MPPED1: variants seen among roughly 807,000 people sequenced by gnomAD.
MPPED1 encodes metallophosphoesterase domain-containing protein 1.
In MPPED1, 16 loss-of-function variants were observed where a neutral mutation model predicts 36.2. The ratio of observed to expected loss-of-function variants is 0.44; its 90% CI spans 0.30 to 0.67. The LOEUF is 0.67. Ranked by LOEUF, MPPED1 falls within the 30% of genes least tolerant of loss-of-function variation. MPPED1 has a pLI of 0.10. For synonymous variants in MPPED1, 199 were observed against 191.3 expected (o/e 1.04, Z -0.33); for missense variants, 307 against 453.4 (o/e 0.68, Z 2.93).
chr22:43,457,591 T>G (rs1930798937), intron 3 of MPPED1, among the ~76,000 whole-genome samples: 1 of 152,190 alleles, frequency 6.6e-6, no homozygotes, highest in African/African-American at 2.4e-5. Flanking sequence ...TGTCCATCTT[T>G]TCTTCTATTA....
intron 2 of MPPED1, among the ~76,000 whole-genome samples, chr22:43,427,861 A>ACC (rs367622791): frequency 4.6e-5 from 7 of 150,548 alleles, no homozygotes; most frequent in African/African-American, 1.7e-4. Flanking sequence ...GCTGGTCCTC[A>ACC]CCCCCCGTGA....
At position 43,455,115 on chromosome 22, in the gene MPPED1, C is replaced by CTTTTTTTTCTT. The variant is rs1930707525; in HGVS notation, c.407-19613_407-19612insCTTTTTTTTTT. ...TTCTCTGCCTCTCTGCCTTCATGTCCTTTTTTTTTTTTGAGACGAAGTCTT... is the reference window on the plus strand; with the variant it reads ...TTCTCTGCCTCTCTGCCTTCATGTCCTTTTTTTTCTTTTTTTTTTTTTTGAGACGAAGTCTT... On this transcript the variant is annotated intron_variant, in intron 3 of 6. Coordinates refer to ENST00000443721, the MANE Select transcript of MPPED1 (RefSeq NM_001044370.2). Among the ~76,000 whole-genome samples, 4 of 122,782 alleles carry CTTTTTTTTCTT rather than the reference C, an allele frequency of 3.3e-5. No individual in the cohort carries two copies. In the South Asian group the frequency reaches 8.4e-4, roughly 26 times the overall value. 80.5% of individuals were successfully genotyped at this position (122,782 alleles called of 152,430 possible).
intron 3 of MPPED1, among the ~76,000 whole-genome samples, chr22:43,448,761 C>T (rs1008482161): frequency 3.9e-5 from 6 of 152,078 alleles, no homozygotes; most frequent in Non-Finnish European, 8.8e-5. Flanking sequence ...TGCCACCATG[C>T]TCAGCTAATT....
At chr22:43,447,883 A>ATATATATATATTTTTT (rs1321289636) in intron 3 of MPPED1, among the ~76,000 whole-genome samples, 3 of 67,738 alleles carry the variant, frequency 4.4e-5, no homozygotes, top group African/African-American at 1.3e-4. Flanking sequence ...ATATATATAT[A>ATATATATATATTTTTT]TTTTTTTTTT....
In MPPED1 at chr22:43,475,665, TGTG is replaced by T. The variant is rs538538892; in HGVS notation, c.632+708_632+710del. On this transcript the variant is annotated intron_variant, in intron 4 of 6. Transcript: ENST00000443721. ...GTCATGATGATGGTTGTGGTGGTGA[TGTG>T]GTGATGGTGATGTGGTGATGGTGAT... Among the ~76,000 whole-genome samples the T allele has an allele frequency of 1.7e-3, 90 of 53,908 alleles. 1 individual carries two copies. In the East Asian group the frequency reaches 0.046, roughly 28 times the overall value. 35.4% of individuals were successfully genotyped at this position (53,908 alleles called of 152,430 possible).
intron 5 of MPPED1, among the ~76,000 whole-genome samples, chr22:43,501,268 C>T (rs1008219068): frequency 1.3e-5 from 2 of 152,240 alleles, no homozygotes; most frequent in African/African-American, 4.8e-5. Context: ...TGAGGCTCAG[C>T]AGCAAAGGCA....
rs867252410 is a variant in MPPED1 at position 43,412,563 on chromosome 22, C to A, written c.-79+405C>A. The stretch of plus-strand genomic sequence containing the variant: ...GTGTGCGCTGCCAAGCCCCTGCTGG[C>A]ACTTGGGGGGGAAGAGATAGGGAAC... On this transcript the variant is annotated intron_variant, in intron 1 of 6. Transcript: ENST00000443721. Among the ~76,000 whole-genome samples the A allele has an allele frequency of 2.0e-4, 31 of 152,276 alleles. No homozygotes were observed. The Middle Eastern group carries it at 0.014, about 67-fold the overall frequency.
intron 5 of MPPED1, among the ~76,000 whole-genome samples, chr22:43,499,701 GTGATGA>G (rs755194663): frequency 4.0e-5 from 5 of 125,496 alleles, no homozygotes; most frequent in Non-Finnish European, 5.1e-5. Flanking sequence ...GGTGGTGGAG[GTGATGA>G]TGGTGGTGGT....
chr22:43,484,820 C>A (rs912647124), intron 4 of MPPED1, among the ~76,000 whole-genome samples: 1 of 152,088 alleles, frequency 6.6e-6, no homozygotes, highest in Non-Finnish European at 1.5e-5. Flanking sequence ...CCAGCTGGTA[C>A]GTGCCATGGA....
chr22:43,435,306 T>A, intron 3 of MPPED1, 91 bp downstream of exon 3: 1 of 1,410,306 alleles, frequency 7.1e-7, no homozygotes, highest in South Asian at 1.3e-5. Context: ...CTTTCCCTCC[T>A]GCGCTGCCCG....
chr22:43,503,609 G>A (rs750981770), intron 6 of MPPED1, among the ~76,000 whole-genome samples: 12 of 152,180 alleles, frequency 7.9e-5, no homozygotes, highest in Admixed American at 2.6e-4. Flanking sequence ...GCAGCTCATT[G>A]TCAAGGGGAA....
chr22:43,435,034 G>A lies in MPPED1; in HGVS notation c.225G>A (p.Met75Ile). ...QGRFQPPHVQMVDPVPHDAPK... is the reference protein window; with the variant it reads ...QGRFQPPHVQIVDPVPHDAPK... ...TCCGCAGTGTCATCTCTCCCTGCAG[G>A]GTGGACCCGGTGCCTCACGATGCCC... Residue 75 changes from methionine to isoleucine, a missense_variant and splice_region_variant, in exon 3 of 7, where the codon ATG becomes ATA. By Grantham distance (10) the Met-to-Ile change is conservative (BLOSUM62 1). Around this residue, in one of 3 missense-constraint regions of MPPED1, gnomAD observed 169 missense variants for 212.3 expected, o/e 0.80. Transcript: ENST00000443721. The A allele has an allele frequency of 6.2e-7, 1 of 1,613,404 alleles. No individual in the cohort carries two copies. Among genetic ancestry groups the A allele is most frequent in the Non-Finnish European group, 8.5e-7 (1 of 1,179,744 alleles).
At chr22:43,435,756 C>T (rs1879477119) in intron 3 of MPPED1, among the ~76,000 whole-genome samples, 1 of 152,192 alleles carries the variant, frequency 6.6e-6, no homozygotes, top group Non-Finnish European at 1.5e-5. Context: ...ACATCGGAGG[C>T]TGAGGCAGGA....
chr22:43,502,662 C>G lies in MPPED1; in HGVS notation c.767C>G (p.Pro256Arg). The change falls in exon 6 of 7, where the codon CCC becomes CGC. Residue 256 changes from proline to arginine, a missense_variant. Transcript: ENST00000443721. The surrounding 1 kb of genome is among the most constrained non-coding windows in gnomAD (Gnocchi z 5.5). ...GPPLGFLDWVPKKMQRVGCVE... is the reference protein window; with the variant it reads ...GPPLGFLDWVRKKMQRVGCVE... ...ATACCAGGCTTCCTGGACTGGGTCC[C>G]CAAGAAGATGCAGCGGGTGGGCTGT... The G allele has an allele frequency of 6.2e-7, 1 of 1,613,280 alleles. No homozygotes were observed. The highest frequency in any genetic ancestry group is 2.2e-5 in the East Asian group (1 of 44,878).
chr22:43,480,386 T>G (rs1168174091), intron 4 of MPPED1, among the ~76,000 whole-genome samples: 3 of 152,188 alleles, frequency 2.0e-5, no homozygotes, highest in Non-Finnish European at 4.4e-5. Context: ...TGCAGTGGGT[T>G]GATTCTCACG....
chr22:43,470,580 T>G (rs1240440984), intron 3 of MPPED1, among the ~76,000 whole-genome samples: 2 of 152,182 alleles, frequency 1.3e-5, no homozygotes, highest in Non-Finnish European at 2.9e-5. Context: ...TATAAACGAT[T>G]TATCCATCCA....
chr22:43,446,737 G>C (rs1930361187), intron 3 of MPPED1, among the ~76,000 whole-genome samples: 1 of 152,196 alleles, frequency 6.6e-6, no homozygotes, highest in South Asian at 2.1e-4. Flanking sequence ...TCCAGCTCAA[G>C]GGTTGAGGCT....
chr22:43,444,973 A>G (rs1214512778), intron 3 of MPPED1, among the ~76,000 whole-genome samples: 1 of 152,220 alleles, frequency 6.6e-6, no homozygotes, highest in Non-Finnish European at 1.5e-5. Context: ...AGTAGCTCAG[A>G]CGGAGGGCCT....
intron 3 of MPPED1, among the ~76,000 whole-genome samples, chr22:43,436,967 C>T (rs533146670): frequency 1.3e-4 from 20 of 152,384 alleles, no homozygotes; most frequent in African/African-American, 3.8e-4. Context: ...GAACTTACAA[C>T]TTGTAAAGGG....
Sources: gnomAD v4.1 joint callset for allele counts (sites outside exome capture counted in the v4.1 genomes callset) on GRCh38, gnomAD v4.1.1 for gene constraint, gnomAD v4.1.1 regional missense constraint, Gnocchi (gnomAD v3.1) non-coding constraint, MANE v1.5 for transcripts, NCBI Gene and HGNC (gene_info 2026-07-23, HGNC 2026-07-21) for gene names.